The following RALGAPA2 variants were observed in gnomAD, a reference collection of about 807,000 sequenced individuals.
RALGAPA2 encodes ral GTPase-activating protein subunit alpha-2.
RALGAPA2 carries 139 observed loss-of-function variants against 230.4 expected under a neutral mutation model. That is an observed-to-expected ratio of 0.60 (90% confidence interval 0.53 to 0.69). The LOEUF (loss-of-function observed/expected upper bound fraction) is 0.69, where lower values mean the gene tolerates loss of function less well. RALGAPA2 is among the 30% of genes least tolerant of loss of function. The pLI, the probability that RALGAPA2 is intolerant of heterozygous loss-of-function variation, is 0.00. For synonymous variants in RALGAPA2, 847 were observed against 837.8 expected, an observed-to-expected ratio of 1.01 and a Z score of -0.19; for missense variants, 2,163 against 2,276.0, an observed-to-expected ratio of 0.95 and a Z score of 1.01.
intron 4 of RALGAPA2, among the ~76,000 whole-genome samples, chr20:20,650,855 G>C (rs1483119897): frequency 2.6e-5 from 4 of 152,190 alleles, no homozygotes. Context: ...TAGGTACAGT[G>C]AGGTATATAT....
chr20:20,554,837 G>T (rs906223361), intron 23 of RALGAPA2, among the ~76,000 whole-genome samples: 2 of 152,006 alleles, frequency 1.3e-5, no homozygotes, highest in African/African-American at 4.8e-5. Flanking sequence ...TAGATACTAG[G>T]CCCTAATCAG....
chr20:20,657,206 C>T (rs769189428), intron 3 of RALGAPA2, among the ~76,000 whole-genome samples: 2 of 152,332 alleles, frequency 1.3e-5, no homozygotes, highest in African/African-American at 4.8e-5. Context: ...CCTCAGACCA[C>T]GAGGCAGAGC....
intron 37 of RALGAPA2, among the ~76,000 whole-genome samples, chr20:20,466,249 T>C (rs929206433): frequency 6.6e-6 from 1 of 152,252 alleles, no homozygotes; most frequent in Non-Finnish European, 1.5e-5. Context: ...TTTTTAAAAA[T>C]GCAAACTCTC....
At chr20:20,640,168 C>T (rs35490069) in intron 6 of RALGAPA2, among the ~76,000 whole-genome samples, 2,496 of 152,256 alleles carry the variant, frequency 0.016, 23 homozygotes, top group Non-Finnish European at 0.027. Flanking sequence ...TAAGCAATAA[C>T]GCAATATACA....
rs185725007 is a variant in RALGAPA2, at chr20:20,443,193, T to G, written c.5495+29636A>C. ...ATCAATTAACAAAGGTCTAAAAAGG[T>G]AAGATTGTAATACCAGAAGGATCTG... On this transcript the variant is annotated intron_variant, in intron 37 of 39. Coordinates refer to ENST00000202677, the MANE Select transcript of RALGAPA2 (RefSeq NM_020343.4). 2.6e-5 allele frequency among the ~76,000 whole-genome samples: 4 copies of G among 152,334 alleles called. No individual in the cohort carries two copies. The East Asian group carries it at 7.7e-4, about 29-fold the overall frequency.
Position 20,591,196 on chromosome 20 carries a change from C to G in RALGAPA2, c.2322G>C (p.Leu774=). 6.2e-7 allele frequency: 1 copy of G among 1,613,848 alleles called. No homozygotes were observed. Among genetic ancestry groups the G allele is most frequent in the Non-Finnish European group, 8.5e-7 (1 of 1,179,786 alleles). ...SSSTSDIPEP[L]CSDSSQGQKA... The stretch of plus-strand genomic sequence containing the variant: ...ATGTACCCTGAGAAGAATCTGAGCA[C>G]AGCGGCTCGGGGATGTCGGAGGTGC... Residue 774 remains leucine, a synonymous_variant, in exon 17 of 40, where the codon CTG becomes CTC. Transcript: ENST00000202677.
intron 1 of RALGAPA2, among the ~76,000 whole-genome samples, chr20:20,682,096 A>C (rs2068540735): frequency 6.6e-6 from 1 of 152,166 alleles, no homozygotes; most frequent in South Asian, 2.1e-4. Flanking sequence ...TTTCTCTGAT[A>C]ATTGTATAAG....
intron 37 of RALGAPA2, among the ~76,000 whole-genome samples, chr20:20,450,917 A>G (rs1488210460): frequency 6.6e-6 from 1 of 152,212 alleles, no homozygotes. Context: ...TTAGGTAATT[A>G]TTTGAATACT....
At chr20:20,648,706 G>A (rs2067298085) in intron 4 of RALGAPA2, among the ~76,000 whole-genome samples, 1 of 151,986 alleles carries the variant, frequency 6.6e-6, no homozygotes, top group Non-Finnish European at 1.5e-5. Context: ...AAAGGGCTAG[G>A]AGAGAACAAA....
chr20:20,439,158 G>A (rs1340732818), intron 37 of RALGAPA2, among the ~76,000 whole-genome samples: 2 of 152,008 alleles, frequency 1.3e-5, no homozygotes, highest in African/African-American at 4.8e-5. Context: ...ACTGCCATCT[G>A]ATAATACACA....
intron 1 of RALGAPA2, among the ~76,000 whole-genome samples, chr20:20,710,277 A>G (rs6035677): frequency 1 from 151,991 of 152,360 alleles, 75,815 homozygotes; most frequent in Middle Eastern, 1. Context: ...TAGTTTCCTT[A>G]ATCTTGGCTT....
chr20:20,653,584 T>C lies in RALGAPA2; in HGVS notation c.274A>G (p.Ile92Val). The change falls in exon 4 of 40, where the codon ATA (isoleucine) becomes GTA (valine). Residue 92 changes from isoleucine (I) to valine (V), a missense_variant. By Grantham distance (29) the Ile-to-Val change is conservative. Coordinates refer to ENST00000202677, the MANE Select transcript of RALGAPA2 (RefSeq NM_020343.4). Reference sequence around the variant, plus strand: ...ATTCGTTCAGGTAGAAACTGCAGTATTTTCTATTAAAAAAAGATATAAAGA... The same window carrying C: ...ATTCGTTCAGGTAGAAACTGCAGTACTTTCTATTAAAAAAAGATATAAAGA... The part of the protein sequence containing the change: ...LDSILFLFEK[I>V]LQFLPERIFF... The C allele has an allele frequency of 6.8e-7, 1 of 1,470,694 alleles. No individual in the cohort carries two copies. Among genetic ancestry groups the C allele is most frequent in the Non-Finnish European group, 9.3e-7 (1 of 1,078,640 alleles). The allele number at this position is 1,470,694 out of a possible 1,614,324, so 91.1% of individuals were successfully genotyped here. A position where few individuals can be genotyped will look rare whatever the true frequency, so the allele number is the denominator to read the frequency against.
intron 16 of RALGAPA2, among the ~76,000 whole-genome samples, chr20:20,600,883 C>T (rs1261582730): frequency 3.3e-5 from 5 of 152,146 alleles, no homozygotes; most frequent in East Asian, 1.9e-4. Flanking sequence ...GGGCAGATCA[C>T]GAGGTCAGGA....
Position 20,676,219 on chromosome 20 carries a change from A to G in RALGAPA2, c.270+17T>C, listed in dbSNP as rs751709675. On this transcript the variant is annotated intron_variant, in intron 3 of 39. Transcript: ENST00000202677. Reference sequence around the variant, plus strand: ...CAACAAGAATTATAAAAGCTAAATAAACTCATCAAAACTTACTTCAAAAAG... The same window carrying G: ...CAACAAGAATTATAAAAGCTAAATAGACTCATCAAAACTTACTTCAAAAAG... 4.7e-6 allele frequency: 7 copies of G among 1,477,794 alleles called. No homozygotes were observed. The South Asian group carries it at 8.8e-5, about 19-fold the overall frequency. 91.5% of individuals were successfully genotyped at this position (1,477,794 alleles called of 1,614,324 possible).
In RALGAPA2 at chr20:20,454,930, C is replaced by T. The variant is rs143098522; in HGVS notation, c.5495+17899G>A. The stretch of plus-strand genomic sequence containing the variant: ...AGCACAAAGCCCAGGTCTGTAGTGA[C>T]GCAGTGATGGTCTGGAGCAGCACCA... On this transcript the variant is annotated intron_variant, in intron 37 of 39. Coordinates refer to ENST00000202677, the MANE Select transcript of RALGAPA2 (RefSeq NM_020343.4). Among the ~76,000 whole-genome samples the T allele has an allele frequency of 7.8e-3, 1,181 of 152,268 alleles. 10 individuals are homozygous for T. The highest frequency in any genetic ancestry group is 0.012 in the Admixed American group (191 of 15,292).
At chr20:20,429,721 C>T (rs554670714) in intron 37 of RALGAPA2, among the ~76,000 whole-genome samples, 3 of 152,320 alleles carry the variant, frequency 2.0e-5, no homozygotes, top group African/African-American at 4.8e-5. Context: ...CTTCTGAAGT[C>T]GTGACATGCT....
At chr20:20,408,830 T>C (rs2060000007) in intron 38 of RALGAPA2, among the ~76,000 whole-genome samples, 1 of 152,222 alleles carries the variant, frequency 6.6e-6, no homozygotes, top group South Asian at 2.1e-4. Flanking sequence ...ACTGGCTACA[T>C]TTTAGATTAT....
At chr20:20,627,048 A>G (rs1008715152) in intron 10 of RALGAPA2, among the ~76,000 whole-genome samples, 7 of 152,222 alleles carry the variant, frequency 4.6e-5, no homozygotes, top group African/African-American at 1.2e-4. Flanking sequence ...ACATTAATGT[A>G]GGGAATGGGG....
At chr20:20,515,268 C>T (rs1009689373) in intron 31 of RALGAPA2, among the ~76,000 whole-genome samples, 1 of 152,178 alleles carries the variant, frequency 6.6e-6, no homozygotes, top group African/African-American at 2.4e-5. Context: ...AACCTGCCGA[C>T]AGAAGTGCAT....
Sources: allele counts gnomAD v4.1 joint callset (sites outside exome capture counted in the v4.1 genomes callset), GRCh38; gene constraint gnomAD v4.1.1; transcripts MANE v1.5; gene names NCBI Gene and HGNC (gene_info 2026-07-23, HGNC 2026-07-21).